CSMD3: variants seen among roughly 807,000 people sequenced by gnomAD.
CSMD3 encodes CUB and sushi domain-containing protein 3.
In CSMD3, 177 loss-of-function variants were observed where a neutral mutation model predicts 435.2. The observed-to-expected ratio is 0.41, with a 90% confidence interval of 0.36 to 0.46. The LOEUF (loss-of-function observed/expected upper bound fraction) is 0.46, where lower values mean the gene tolerates loss of function less well. Among genes scored for constraint, CSMD3 ranks in the 20% least tolerant of loss-of-function variants. The probability of loss-of-function intolerance (pLI) is 0.34; values close to 1 mark genes in which losing one functional copy is unlikely to be tolerated. For synonymous variants in CSMD3, 1,656 were observed against 1,520.5 expected (o/e 1.09, Z -2.07); for missense variants, 4,265 against 4,504.6 (o/e 0.95, Z 1.52).
At chr8:112,463,046 G>C (rs1036226636) in intron 32 of CSMD3, among the ~76,000 whole-genome samples, 6 of 152,134 alleles carry the variant, frequency 3.9e-5, no homozygotes, top group African/African-American at 1.4e-4. Context: ...CCTTGTGCTT[G>C]TGTGGTATCA....
In CSMD3 at chr8:112,545,482, CAAAAAAA is replaced by C. The variant is rs71566032; in HGVS notation, c.4564+5182_4564+5188del. Reference sequence around the variant, plus strand: ...TGGGCGACAGAGCGAGACTCCATCTCAAAAAAAAAAAAAAAAAAAAATAATAATAATA... The same window carrying C: ...TGGGCGACAGAGCGAGACTCCATCTCAAAAAAAAAAAAAATAATAATAATA... On this transcript the variant is annotated intron_variant, in intron 27 of 70. Transcript: ENST00000297405. 1.1e-3 allele frequency among the ~76,000 whole-genome samples: 30 copies of C among 26,896 alleles called. 1 individual carries two copies. In the Admixed American group the frequency reaches 0.015, roughly 14 times the overall value. 17.6% of individuals were successfully genotyped at this position (26,896 alleles called of 152,430 possible).
At chr8:112,866,160 T>C (rs2080976365) in intron 10 of CSMD3, among the ~76,000 whole-genome samples, 1 of 152,152 alleles carries the variant, frequency 6.6e-6, no homozygotes, top group Non-Finnish European at 1.5e-5. Flanking sequence ...GAGTTATTAG[T>C]ATGAAGTTTG....
In CSMD3 at chr8:113,144,158, T is replaced by A. The variant is rs112045872; in HGVS notation, c.709+29564A>T. On this transcript the variant is annotated intron_variant, in intron 4 of 70. Coordinates refer to ENST00000297405, the MANE Select transcript of CSMD3 (RefSeq NM_198123.2). ...AACCTGCCAATATTAGATGTTAAAGTTAAAGCAAAATAATACATTTTTGTA... is the reference window on the plus strand; with the variant it reads ...AACCTGCCAATATTAGATGTTAAAGATAAAGCAAAATAATACATTTTTGTA... Among the ~76,000 whole-genome samples the A allele has an allele frequency of 5.3e-3, 798 of 151,164 alleles. 11 individuals carry two copies. Among genetic ancestry groups the A allele is most frequent in the African/African-American group, 0.019 (772 of 41,390 alleles).
intron 3 of CSMD3, among the ~76,000 whole-genome samples, chr8:113,253,515 T>C (rs1175399035): frequency 1.3e-5 from 2 of 152,090 alleles, no homozygotes; most frequent in East Asian, 3.9e-4. Flanking sequence ...CTTTCTGCTA[T>C]AGCATCCCTC....
chr8:113,404,432 C>A (rs1217409456), intron 1 of CSMD3, among the ~76,000 whole-genome samples: 1 of 151,238 alleles, frequency 6.6e-6, no homozygotes, highest in Non-Finnish European at 1.5e-5. Context: ...ACTTTAAATT[C>A]CTTGAAGTTA....
At chr8:112,531,909 C>A (rs1434239904) in intron 27 of CSMD3, among the ~76,000 whole-genome samples, 2 of 151,824 alleles carry the variant, frequency 1.3e-5, no homozygotes, top group Admixed American at 6.6e-5. Context: ...TTGGAGTGCC[C>A]GAGATATGCA....
At chr8:112,293,274 A>T (rs2130696591) in intron 54 of CSMD3, among the ~76,000 whole-genome samples, 1 of 152,184 alleles carries the variant, frequency 6.6e-6, no homozygotes, top group Middle Eastern at 3.4e-3. Context: ...AGATGACAGA[A>T]TGAGATCTTG....
intron 4 of CSMD3, among the ~76,000 whole-genome samples, chr8:113,156,041 C>G (rs1340079284): frequency 2.0e-5 from 3 of 151,490 alleles, no homozygotes; most frequent in South Asian, 4.2e-4. Context: ...ATTTTTTTTT[C>G]TTTTGTTTTC....
At chr8:112,739,735 A>G (rs1276118455) in intron 13 of CSMD3, among the ~76,000 whole-genome samples, 1 of 151,836 alleles carries the variant, frequency 6.6e-6, no homozygotes. Flanking sequence ...TCCATGAACA[A>G]TATTATATGT....
At chr8:113,237,452 CA>C (rs1271849489) in intron 3 of CSMD3, among the ~76,000 whole-genome samples, 1 of 152,184 alleles carries the variant, frequency 6.6e-6, no homozygotes, top group Non-Finnish European at 1.5e-5. Flanking sequence ...GCCAGACTCA[CA>C]TATCTGGCAT....
At chr8:112,362,245 AG>A (rs1454212117) in intron 38 of CSMD3, among the ~76,000 whole-genome samples, 1 of 152,016 alleles carries the variant, frequency 6.6e-6, no homozygotes, top group Non-Finnish European at 1.5e-5. Flanking sequence ...TCATGTAACA[AG>A]TAACTTCATG....
intron 50 of CSMD3, among the ~76,000 whole-genome samples, chr8:112,306,671 C>A (rs888934376): frequency 6.6e-6 from 1 of 152,100 alleles, no homozygotes; most frequent in South Asian, 2.1e-4. Flanking sequence ...TACCTGAAAG[C>A]TGGCTATTTC....
At chr8:113,179,419 G>T (rs2092392729) in intron 3 of CSMD3, among the ~76,000 whole-genome samples, 1 of 151,612 alleles carries the variant, frequency 6.6e-6, no homozygotes, top group South Asian at 2.1e-4. Flanking sequence ...ATCATTCTTG[G>T]TCTTAAAAAT....
At chr8:113,010,414 T>A (rs189624406) in intron 6 of CSMD3, among the ~76,000 whole-genome samples, 1 of 151,912 alleles carries the variant, frequency 6.6e-6, no homozygotes, top group African/African-American at 2.4e-5. Context: ...TATTCTCTTA[T>A]CAGCAGGAAT....
chr8:112,602,667 G>A (rs368191961), intron 22 of CSMD3, among the ~76,000 whole-genome samples: 34 of 151,288 alleles, frequency 2.2e-4, no homozygotes, highest in African/African-American at 6.8e-4. Flanking sequence ...CAGCATCACC[G>A]ATAACATAGT....
chr8:112,411,717 T>C (rs1811373051), intron 32 of CSMD3, among the ~76,000 whole-genome samples: 1 of 152,074 alleles, frequency 6.6e-6, no homozygotes, highest in Admixed American at 6.6e-5. Flanking sequence ...GTGATGACTC[T>C]CAGATTTGCT....
intron 13 of CSMD3, among the ~76,000 whole-genome samples, chr8:112,706,986 T>C (rs750904626): frequency 6.6e-6 from 1 of 152,072 alleles, no homozygotes; most frequent in Admixed American, 6.6e-5. Flanking sequence ...GTACCTTGAA[T>C]GAAAGAACAA....
At chr8:112,563,632 G>A (rs1416893081) in intron 24 of CSMD3, among the ~76,000 whole-genome samples, 2 of 151,714 alleles carry the variant, frequency 1.3e-5, no homozygotes, top group Admixed American at 1.3e-4. Context: ...ATCAGCATTG[G>A]GCATTTGGCC....
At chr8:112,442,457 A>G (rs1182483221) in intron 32 of CSMD3, among the ~76,000 whole-genome samples, 1 of 152,226 alleles carries the variant, frequency 6.6e-6, no homozygotes, top group East Asian at 1.9e-4. Context: ...TACTAGCTGT[A>G]GGATCATAGG....
Sources: allele counts gnomAD v4.1 joint callset (sites outside exome capture counted in the v4.1 genomes callset), GRCh38; gene constraint gnomAD v4.1.1; transcripts MANE v1.5; gene names NCBI Gene and HGNC (gene_info 2026-07-23, HGNC 2026-07-21).